Variants in LOXHD1 observed in about 807,000 individuals in gnomAD.
The protein encoded by LOXHD1 is lipoxygenase homology PLAT domains 1.
Under a neutral mutation model 248.2 loss-of-function variants are expected in LOXHD1, and 205 were observed. The observed-to-expected ratio is 0.83, with a 90% CI of 0.74 to 0.93. The LOEUF (loss-of-function observed/expected upper bound fraction) is 0.93. LOXHD1 is among the 40% of genes least tolerant of loss of function. The pLI is 0.00. For missense variants in LOXHD1, 2,930 were observed against 2,971.6 expected (o/e 0.99, Z 0.33); for synonymous variants, 1,113 against 1,162.8 (o/e 0.96, Z 0.87).
rs1418245706 is a variant in LOXHD1 at position 46,522,100 on chromosome 18, C to A, written c.5085+1G>T. 3 of 1,548,164 alleles carry A rather than the reference C, an allele frequency of 1.9e-6. No homozygotes were observed. The highest frequency in any genetic ancestry group is 2.6e-6 in the Non-Finnish European group (3 of 1,145,390). On this transcript the variant is annotated splice_donor_variant, in intron 32 of 40. Transcript: ENST00000642948. LOFTEE classifies it high-confidence loss of function. ...ATCATGGGGCCCCGAGAAGCCAGCA[C>A]CTCTATTTTCTTGATGATGCCCACA...
At chr18:46,619,019 G>GA (rs1220524845) in intron 4 of LOXHD1, among the ~76,000 whole-genome samples, 2 of 152,126 alleles carry the variant, frequency 1.3e-5, no homozygotes, top group African/African-American at 4.8e-5. Flanking sequence ...TGGTAAACTT[G>GA]ACATGATGAG....
intron 37 of LOXHD1, among the ~76,000 whole-genome samples, chr18:46,496,680 C>T (rs530138016): frequency 2.7e-4 from 41 of 152,296 alleles, no homozygotes; most frequent in African/African-American, 9.6e-4. Flanking sequence ...CTCCCCTGAA[C>T]CTAGTATCTC....
intron 16 of LOXHD1, among the ~76,000 whole-genome samples, chr18:46,567,469 C>T (rs2037666087): frequency 6.6e-6 from 1 of 152,218 alleles, no homozygotes; most frequent in African/African-American, 2.4e-5. Flanking sequence ...CCTGAGAGCC[C>T]TCTGTGTGCA....
chr18:46,627,183 C>T (rs1182746283), intron 4 of LOXHD1, among the ~76,000 whole-genome samples: 4 of 152,204 alleles, frequency 2.6e-5, no homozygotes, highest in Admixed American at 2.6e-4. Context: ...ATTATAACCT[C>T]AAGCTGGCTT....
chr18:46,645,951 C>T (rs2144391799), intron 2 of LOXHD1, among the ~76,000 whole-genome samples: 1 of 152,312 alleles, frequency 6.6e-6, no homozygotes, highest in African/African-American at 2.4e-5. Context: ...TCAGGAGAAA[C>T]ACCATGAAAG....
chr18:46,614,661 A>T (rs2038558706), intron 5 of LOXHD1, among the ~76,000 whole-genome samples: 1 of 152,140 alleles, frequency 6.6e-6, no homozygotes, highest in Non-Finnish European at 1.5e-5. Context: ...TGGCACATGT[A>T]TACATAGGTA....
intron 21 of LOXHD1, among the ~76,000 whole-genome samples, chr18:46,551,540 A>G (rs1232782680): frequency 6.6e-6 from 1 of 152,122 alleles, no homozygotes; most frequent in African/African-American, 2.4e-5. Flanking sequence ...GGAAGGAAAA[A>G]CTAGCCTCTT....
intron 12 of LOXHD1, among the ~76,000 whole-genome samples, chr18:46,589,730 A>C (rs1181618105): frequency 6.6e-6 from 1 of 152,038 alleles, no homozygotes; most frequent in Non-Finnish European, 1.5e-5. Context: ...CATACCCCCA[A>C]ATTTATATAC....
In LOXHD1 at chr18:46,545,313, T is replaced by C; in HGVS notation, c.3619+4A>G. On this transcript the variant is annotated splice_donor_region_variant and intron_variant, in intron 23 of 40. Coordinates refer to ENST00000642948, the MANE Select transcript of LOXHD1 (RefSeq NM_001384474.1). ...TGAATCTTGGCCCTGCACTGCTTTCTTACCAGTGTCATCCTGTGTGCCAAA... is the reference window on the plus strand; with the variant it reads ...TGAATCTTGGCCCTGCACTGCTTTCCTACCAGTGTCATCCTGTGTGCCAAA... 1 of 1,548,740 alleles carries C rather than the reference T, an allele frequency of 6.5e-7. No homozygotes were observed. Among genetic ancestry groups the C allele is most frequent in the South Asian group, 1.2e-5 (1 of 84,010 alleles).
chr18:46,547,016 A>T lies in LOXHD1; in HGVS notation c.3393T>A (p.Asp1131Glu). The T allele has an allele frequency of 1.9e-6, 3 of 1,551,738 alleles. No individual in the cohort carries two copies. The highest frequency in any genetic ancestry group is 2.6e-6 in the Non-Finnish European group (3 of 1,146,998). Reference sequence around the variant, plus strand: ...ACAGCTCCCTGGACAGCTGGCCATCATCTTCCTCCACTGCCAGCCAACGTT... The same window carrying T: ...ACAGCTCCCTGGACAGCTGGCCATCTTCTTCCTCCACTGCCAGCCAACGTT... ...PCQRWLAVEE[D>E]DGQLSRELLP... Residue 1131 changes from aspartate to glutamate, a missense_variant, in exon 22 of 41, where the codon GAT becomes GAA. Asp to Glu is a conservative substitution (Grantham distance 45). Coordinates refer to ENST00000642948, the MANE Select transcript of LOXHD1 (RefSeq NM_001384474.1).
At chr18:46,520,999 G>A (rs1250926039) in intron 33 of LOXHD1, 98 bp downstream of exon 33, 11 of 1,391,006 alleles carry the variant, frequency 7.9e-6, no homozygotes, top group Non-Finnish European at 7.8e-6. Flanking sequence ...CCCCAGTGAT[G>A]AGTCTCCTAC....
intron 12 of LOXHD1, among the ~76,000 whole-genome samples, chr18:46,582,439 G>A (rs2037981214): frequency 6.7e-6 from 1 of 149,636 alleles, no homozygotes; most frequent in African/African-American, 2.5e-5. Context: ...AAAACAATGA[G>A]GGACCAAAAA....
chr18:46,486,367 A>G (rs191857834), intron 38 of LOXHD1, among the ~76,000 whole-genome samples: 2 of 152,290 alleles, frequency 1.3e-5, no homozygotes, highest in Admixed American at 1.3e-4. Flanking sequence ...CACCACTCCC[A>G]GCCCCTCAGC....
chr18:46,623,010 G>A (rs1218113598), intron 4 of LOXHD1, among the ~76,000 whole-genome samples: 1 of 152,132 alleles, frequency 6.6e-6, no homozygotes, highest in Non-Finnish European at 1.5e-5. Context: ...GATGGATTGT[G>A]GAAATCGTCA....
intron 4 of LOXHD1, among the ~76,000 whole-genome samples, chr18:46,636,550 G>C (rs2038895289): frequency 6.6e-6 from 1 of 152,210 alleles, no homozygotes; most frequent in Non-Finnish European, 1.5e-5. Context: ...ATGAGAGAAG[G>C]TTCCAGTGAT....
At chr18:46,588,291 C>T (rs101940) in intron 12 of LOXHD1, among the ~76,000 whole-genome samples, 109,518 of 151,920 alleles carry the variant, frequency 0.72, 39,704 homozygotes, top group South Asian at 0.77. Context: ...GAAATATAGC[C>T]AGGGACCCCC....
intron 4 of LOXHD1, among the ~76,000 whole-genome samples, chr18:46,621,375 C>A (rs1233217206): frequency 1.1e-4 from 16 of 152,232 alleles, no homozygotes; most frequent in Admixed American, 1.0e-3. Flanking sequence ...TCAAGCAGAA[C>A]CCCAGACTAT....
chr18:46,559,879 C>A (rs1038830518), intron 19 of LOXHD1, among the ~76,000 whole-genome samples: 2 of 152,206 alleles, frequency 1.3e-5, no homozygotes, highest in South Asian at 2.1e-4. Flanking sequence ...AACCTCAGAA[C>A]AAGCGCCATG....
intron 4 of LOXHD1, among the ~76,000 whole-genome samples, chr18:46,622,279 T>C (rs1821952076): frequency 6.6e-6 from 1 of 152,222 alleles, no homozygotes; most frequent in Non-Finnish European, 1.5e-5. Flanking sequence ...ATAGACAATA[T>C]TACATAAACA....
Sources: gnomAD v4.1 joint callset for allele counts (sites outside exome capture counted in the v4.1 genomes callset) on GRCh38, gnomAD v4.1.1 for gene constraint, MANE v1.5 for transcripts, NCBI Gene and HGNC (gene_info 2026-07-23, HGNC 2026-07-21) for gene names.